The following KLF7 variants were observed in gnomAD, a reference collection of about 807,000 sequenced individuals.
KLF7 encodes KLF transcription factor 7, also known as Krueppel-like factor 7.
A neutral mutation model predicts 27.3 loss-of-function variants in KLF7; 2 were observed. That is an observed-to-expected ratio of 0.07 (90% confidence interval 0.03 to 0.23). KLF7 has a LOEUF of 0.23. Ranked by LOEUF, KLF7 falls within the 10% of genes least tolerant of loss-of-function variation. KLF7 has a pLI of 1.00. For missense variants in KLF7, 221 were observed against 394.1 expected, an observed-to-expected ratio of 0.56 and a Z score of 3.72; for synonymous variants, 165 against 162.4, an observed-to-expected ratio of 1.02 and a Z score of -0.12.
intron 1 of KLF7, among the ~76,000 whole-genome samples, chr2:207,133,521 G>A (rs1056430551): frequency 1.3e-5 from 2 of 152,200 alleles, no homozygotes; most frequent in African/African-American, 4.8e-5. Flanking sequence ...TCTTTTCAGA[G>A]GAGTGATGGC....
rs1433166156 is a variant in KLF7, at chr2:207,076,450, C to T, written c.*4763G>A. 1 of 152,120 alleles carries T rather than the reference C, an allele frequency of 6.6e-6. No homozygotes were observed. The highest frequency in any genetic ancestry group is 2.4e-5 in the African/African-American group (1 of 41,422). 9.4% of individuals were successfully genotyped at this position (152,120 alleles called of 1,614,324 possible). Reference sequence around the variant, plus strand: ...TTAAATGCAAAACACCTGAAAAATACAGTACTCTATTGGAAGGATGCACAT... The same window carrying T: ...TTAAATGCAAAACACCTGAAAAATATAGTACTCTATTGGAAGGATGCACAT... On this transcript the variant is annotated 3_prime_UTR_variant, in exon 4 of 4. Coordinates refer to ENST00000309446, the MANE Select transcript of KLF7 (RefSeq NM_003709.4).
chr2:207,161,918 C>A (rs2078558555), intron 1 of KLF7, among the ~76,000 whole-genome samples: 1 of 152,190 alleles, frequency 6.6e-6, no homozygotes. Flanking sequence ...CTGACCCCAT[C>A]TGCCAATTAT....
intron 3 of KLF7, among the ~76,000 whole-genome samples, chr2:207,084,327 T>G (rs534598269): frequency 1.3e-5 from 2 of 152,148 alleles, no homozygotes; most frequent in Non-Finnish European, 1.5e-5. Context: ...GAACTTTATT[T>G]GAAAGAACCA....
chr2:207,163,294 G>A (rs2078601796), intron 1 of KLF7, among the ~76,000 whole-genome samples: 1 of 152,196 alleles, frequency 6.6e-6, no homozygotes, highest in Non-Finnish European at 1.5e-5. Context: ...GTTTTAAGGT[G>A]AGAGTGGCTG....
chr2:207,129,146 TAA>T (rs1229228712), intron 1 of KLF7, among the ~76,000 whole-genome samples: 1 of 152,222 alleles, frequency 6.6e-6, no homozygotes, highest in African/African-American at 2.4e-5. Context: ...ATCAGCAGGC[TAA>T]AAGTGTCCCT....
At chr2:207,151,398 A>AG (rs2078243660) in intron 1 of KLF7, among the ~76,000 whole-genome samples, 1 of 149,638 alleles carries the variant, frequency 6.7e-6, no homozygotes, top group Admixed American at 6.6e-5. Flanking sequence ...TGAGGAGGGC[A>AG]GGGGGGAGGG....
intron 1 of KLF7, among the ~76,000 whole-genome samples, chr2:207,162,459 G>C (rs1263305676): frequency 1.3e-5 from 2 of 152,244 alleles, no homozygotes; most frequent in Admixed American, 6.5e-5. Flanking sequence ...CTTGGGCCGA[G>C]TGCTTAAGTA....
At chr2:207,119,069 G>C (rs1180280952) in intron 2 of KLF7, among the ~76,000 whole-genome samples, 1 of 152,106 alleles carries the variant, frequency 6.6e-6, no homozygotes, top group East Asian at 1.9e-4. Flanking sequence ...CTGTTATATT[G>C]TTCGGGACAA....
At chr2:207,155,733 C>G (rs2078364634) in intron 1 of KLF7, among the ~76,000 whole-genome samples, 1 of 152,192 alleles carries the variant, frequency 6.6e-6, no homozygotes, top group Non-Finnish European at 1.5e-5. Flanking sequence ...TCAGGGGAAT[C>G]AGTTCTGCAT....
In KLF7 at chr2:207,088,580, A is replaced by G. The variant is rs2076441837; in HGVS notation, c.735T>C (p.Gly245=). Residue 245 remains glycine (G), a splice_region_variant and synonymous_variant, in exon 3 of 4, where the codon GGT becomes GGC. Transcript: ENST00000309446. ...CCCATGAGCACTTATAAGGCTTCTC[A>G]CCTGCAAGAAGAGATGGAAGGACCG... is the stretch of plus-strand genomic sequence containing the variant. ...HLKAHQRTHT[G]EKPYKCSWEG... is the part of the protein sequence containing the mutation. The G allele has an allele frequency of 2.5e-6, 4 of 1,613,292 alleles. No homozygotes were observed. The highest frequency in any genetic ancestry group is 3.4e-6 in the Non-Finnish European group (4 of 1,179,504).
At position 207,078,696 on chromosome 2, in the gene KLF7, T is replaced by TA. The variant is rs1193237861; in HGVS notation, c.*2516dup. The TA allele has an allele frequency of 1.3e-5, 2 of 152,174 alleles. No individual in the cohort carries two copies. Among genetic ancestry groups the TA allele is most frequent in the African/African-American group, 2.4e-5 (1 of 41,434 alleles). The allele number at this position is 152,174 out of a possible 1,614,324, so 9.4% of individuals were successfully genotyped here. A position where few individuals can be genotyped will look rare whatever the true frequency, so the allele number is the denominator to read the frequency against. On this transcript the variant is annotated 3_prime_UTR_variant, in exon 4 of 4. Transcript: ENST00000309446. ...AGGAACCAACAGAATTCAGGGTGTC[T>TA]AAAAGTTTCATCTAGTGCACTGACT...
chr2:207,132,392 T>G (rs953944261), intron 1 of KLF7, among the ~76,000 whole-genome samples: 1 of 152,266 alleles, frequency 6.6e-6, no homozygotes, highest in Non-Finnish European at 1.5e-5. Flanking sequence ...GAGACAATGC[T>G]GTGAAAACTA....
rs6725221 is a variant in KLF7, at chr2:207,078,170, C to T, written c.*3043G>A. The T allele has an allele frequency of 3.3e-5, 5 of 152,122 alleles. No homozygotes were observed. Among genetic ancestry groups the T allele is most frequent in the East Asian group, 1.9e-4 (1 of 5,164 alleles). The allele number at this position is 152,122 out of a possible 1,614,324, so 9.4% of individuals were successfully genotyped here. A position where few individuals can be genotyped will look rare whatever the true frequency, so the allele number is the denominator to read the frequency against. ...TGGTCATCATTCACAGGTGTCAACT[C>T]GGCTAAAGAAGAACAGTTTCAAAGC... On this transcript the variant is annotated 3_prime_UTR_variant, in exon 4 of 4. Coordinates refer to ENST00000309446, the MANE Select transcript of KLF7 (RefSeq NM_003709.4).
At chr2:207,130,418 C>G (rs374857280) in intron 1 of KLF7, among the ~76,000 whole-genome samples, 2 of 152,160 alleles carry the variant, frequency 1.3e-5, no homozygotes, top group African/African-American at 4.8e-5. Flanking sequence ...TTATTAAGAT[C>G]ATGATTTTAA....
At chr2:207,117,445 T>C (rs1466813126) in intron 2 of KLF7, among the ~76,000 whole-genome samples, 1 of 152,210 alleles carries the variant, frequency 6.6e-6, no homozygotes. Context: ...CTCTCCACCT[T>C]GTGAACTGAA....
chr2:207,088,382 C>T (rs949002252), intron 3 of KLF7, 76 bp downstream of exon 3: 4 of 1,522,250 alleles, frequency 2.6e-6, no homozygotes, highest in Non-Finnish European at 3.6e-6. Flanking sequence ...TAAGTCCAAG[C>T]ACACGGGTGC....
intron 2 of KLF7, among the ~76,000 whole-genome samples, chr2:207,102,126 T>A (rs1263610): frequency 0.34 from 47,998 of 141,246 alleles, 8,721 homozygotes; most frequent in African/African-American, 0.49. Context: ...ACATTCACAT[T>A]CACACACACA....
At chr2:207,158,188 A>G (rs934241013) in intron 1 of KLF7, among the ~76,000 whole-genome samples, 44 of 152,186 alleles carry the variant, frequency 2.9e-4, no homozygotes, top group Non-Finnish European at 5.9e-5. Context: ...TTTCACCATC[A>G]TAACTACCAA....
intron 1 of KLF7, among the ~76,000 whole-genome samples, chr2:207,131,653 T>C (rs2077639565): frequency 6.6e-6 from 1 of 152,258 alleles, no homozygotes; most frequent in Non-Finnish European, 1.5e-5. Context: ...TTGCAAAGAC[T>C]GATACTGATG....
Sources: allele counts gnomAD v4.1 joint callset (sites outside exome capture counted in the v4.1 genomes callset), GRCh38; gene constraint gnomAD v4.1.1; transcripts MANE v1.5; gene names NCBI Gene and HGNC (gene_info 2026-07-23, HGNC 2026-07-21).